ASIC2: variants seen among roughly 807,000 people sequenced by gnomAD.
ASIC2 encodes acid sensing ion channel subunit 2.
In ASIC2, 25 loss-of-function variants were observed where a neutral mutation model predicts 57.3. That is an observed-to-expected ratio of 0.44 (90% CI 0.32 to 0.61). The LOEUF is 0.61. Among genes scored for constraint, ASIC2 ranks in the 20% least tolerant of loss-of-function variants. ASIC2 has a pLI of 0.06. For missense variants in ASIC2, 641 were observed against 738.1 expected (o/e 0.87, Z 1.52); for synonymous variants, 319 against 307.5 (o/e 1.04, Z -0.39).
chr17:33,150,316 G>T (rs531246008), intron 1 of ASIC2, among the ~76,000 whole-genome samples: 2 of 152,280 alleles, frequency 1.3e-5, no homozygotes, highest in South Asian at 4.1e-4. Context: ...CCCAGTACAG[G>T]TGCACATTTC....
chr17:33,375,600 T>G (rs906604313), intron 1 of ASIC2, among the ~76,000 whole-genome samples: 4 of 152,128 alleles, frequency 2.6e-5, no homozygotes, highest in African/African-American at 9.7e-5. Context: ...GGGCTGACAG[T>G]GGACTGACTA....
At chr17:33,544,869 T>C (rs1002508486) in intron 1 of ASIC2, among the ~76,000 whole-genome samples, 6 of 152,002 alleles carry the variant, frequency 3.9e-5, no homozygotes, top group African/African-American at 1.2e-4. Flanking sequence ...CAGTCCTCAG[T>C]ATTTATATTT....
chr17:33,663,113 G>A lies in ASIC2; in HGVS notation c.555+492865C>T, dbSNP rs150674451. Among the ~76,000 whole-genome samples, 30 of 152,248 alleles carry A rather than the reference G, an allele frequency of 2.0e-4. No individual in the cohort carries two copies. The East Asian group carries it at 3.7e-3, about 19-fold the overall frequency. ...AGAGACATCAGTCACTCAGGTTCAC[G>A]ATCTCATTTCATCTTCAAAATAACT... On this transcript the variant is annotated intron_variant, in intron 1 of 9. Transcript: ENST00000359872.
rs565239878 is a variant in ASIC2, at chr17:34,064,157, T to C, written c.555+91821A>G. ...TAAGGCCATAGTCACCAAAATAGCA[T>C]GGTACTGGTATAAAAATAGGCACAT... On this transcript the variant is annotated intron_variant, in intron 1 of 9. Transcript: ENST00000359872. Among the ~76,000 whole-genome samples the C allele has an allele frequency of 3.2e-4, 49 of 152,250 alleles. 1 individual carries two copies. The South Asian group carries it at 7.9e-3, about 25-fold the overall frequency.
chr17:33,051,729 C>A (rs1372056467), intron 3 of ASIC2, among the ~76,000 whole-genome samples: 1 of 152,118 alleles, frequency 6.6e-6, no homozygotes, highest in East Asian at 1.9e-4. Context: ...GATATAAGAA[C>A]AGAATCTAGC....
rs140195063 is a variant in ASIC2, at chr17:33,432,722, T to A, written c.556-320655A>T. On this transcript the variant is annotated intron_variant, in intron 1 of 9. Transcript: ENST00000359872. ...CTATTCCTAGTTAAGTTTTGGGGAG[T>A]CCATTAAAAAGTGGGCAAAGGACAT... 1.7e-3 allele frequency among the ~76,000 whole-genome samples: 259 copies of A among 151,894 alleles called. 1 individual carries two copies. The highest frequency in any genetic ancestry group is 5.7e-3 in the African/African-American group (237 of 41,438).
At chr17:34,011,270 T>C (rs896254044) in intron 1 of ASIC2, among the ~76,000 whole-genome samples, 2 of 152,036 alleles carry the variant, frequency 1.3e-5, no homozygotes, top group African/African-American at 4.8e-5. Context: ...CGCACATACC[T>C]TGGCCCTTTC....
At chr17:33,874,376 A>G (rs1271533237) in intron 1 of ASIC2, among the ~76,000 whole-genome samples, 16 of 152,368 alleles carry the variant, frequency 1.1e-4, no homozygotes. Context: ...TAGTATAAGT[A>G]TGTCCCAAAT....
chr17:33,660,078 G>C (rs1363123522), intron 1 of ASIC2, among the ~76,000 whole-genome samples: 1 of 151,596 alleles, frequency 6.6e-6, no homozygotes, highest in African/African-American at 2.4e-5. Flanking sequence ...GTGAGACTCT[G>C]TCGCAAAAAA....
chr17:33,037,917 G>A (rs543932015), intron 3 of ASIC2, among the ~76,000 whole-genome samples: 1 of 152,164 alleles, frequency 6.6e-6, no homozygotes, highest in African/African-American at 2.4e-5. Context: ...CTATTTGGCT[G>A]GGATGGGAAG....
chr17:34,101,355 T>C (rs142226713), intron 1 of ASIC2, among the ~76,000 whole-genome samples: 1 of 152,322 alleles, frequency 6.6e-6, no homozygotes, highest in East Asian at 1.9e-4. Flanking sequence ...CCCTCTGTTT[T>C]TCCCCAAAAG....
intron 1 of ASIC2, among the ~76,000 whole-genome samples, chr17:33,268,570 AGT>A (rs1352354967): frequency 2.0e-5 from 3 of 152,236 alleles, no homozygotes; most frequent in Non-Finnish European, 4.4e-5. Flanking sequence ...TTTAGTGCTA[AGT>A]AACACAACAC....
chr17:33,752,367 A>G (rs1042241708), intron 1 of ASIC2, among the ~76,000 whole-genome samples: 13 of 142,862 alleles, frequency 9.1e-5, no homozygotes, highest in African/African-American at 3.1e-4. Flanking sequence ...TACACTCTGA[A>G]CGCTTTCATT....
intron 1 of ASIC2, among the ~76,000 whole-genome samples, chr17:34,023,319 T>A (rs1907252994): frequency 6.6e-6 from 1 of 151,732 alleles, no homozygotes; most frequent in Non-Finnish European, 1.5e-5. Flanking sequence ...AGGATACAAA[T>A]CCCCATGATA....
At chr17:33,464,733 T>C (rs67739086) in intron 1 of ASIC2, among the ~76,000 whole-genome samples, 35,516 of 147,248 alleles carry the variant, frequency 0.24, 4,425 homozygotes, top group African/African-American at 0.27. Context: ...CATTATCAAA[T>C]AAGTGCCTGG....
chr17:33,951,647 A>G (rs1327083252), intron 1 of ASIC2, among the ~76,000 whole-genome samples: 2 of 150,780 alleles, frequency 1.3e-5, no homozygotes, highest in African/African-American at 4.9e-5. Flanking sequence ...CAGTGGCGCC[A>G]TCTCGGCTCA....
At chr17:33,919,082 C>T (rs1915651684) in intron 1 of ASIC2, among the ~76,000 whole-genome samples, 1 of 152,110 alleles carries the variant, frequency 6.6e-6, no homozygotes, top group Non-Finnish European at 1.5e-5. Flanking sequence ...TGGAGACTGG[C>T]TATCTAGCTC....
chr17:33,693,847 T>C (rs563851762), intron 1 of ASIC2, among the ~76,000 whole-genome samples: 6 of 152,292 alleles, frequency 3.9e-5, no homozygotes, highest in African/African-American at 1.2e-4. Context: ...TTTTGAGAGA[T>C]AGAACAGTGA....
chr17:33,835,723 A>T (rs185850575), intron 1 of ASIC2, among the ~76,000 whole-genome samples: 1 of 152,312 alleles, frequency 6.6e-6, no homozygotes, highest in Non-Finnish European at 1.5e-5. Context: ...AATAAAATAT[A>T]CTATTTCAAT....
Sources: gnomAD v4.1 joint callset for allele counts (sites outside exome capture counted in the v4.1 genomes callset) on GRCh38, gnomAD v4.1.1 for gene constraint, MANE v1.5 for transcripts, NCBI Gene and HGNC (gene_info 2026-07-23, HGNC 2026-07-21) for gene names.